SV2B: variants seen among roughly 807,000 people sequenced by gnomAD.
SV2B encodes the protein synaptic vesicle glycoprotein 2B.
SV2B carries 41 observed loss-of-function variants against 73.9 expected under a neutral mutation model. The observed-to-expected ratio is 0.56, with a 90% CI of 0.43 to 0.72. SV2B has a LOEUF of 0.72. Ranked by LOEUF, SV2B falls within the 30% of genes least tolerant of loss-of-function variation. The pLI, the probability that SV2B is intolerant of heterozygous loss-of-function variation, is 0.00. For synonymous variants in SV2B, 314 were observed against 314.2 expected (o/e 1.00, Z 0.01); for missense variants, 764 against 857.8 (o/e 0.89, Z 1.37).
At position 91,284,152 on chromosome 15, in the gene SV2B, C is replaced by T; in HGVS notation, c.1639C>T (p.Leu547=). 6.2e-7 allele frequency: 1 copy of T among 1,614,200 alleles called. No individual in the cohort carries two copies. The highest frequency in any genetic ancestry group is 8.5e-7 in the Non-Finnish European group (1 of 1,180,038). ...LIYLVSFLGS[L]SVLPGNIISA... The stretch of plus-strand genomic sequence containing the variant: ...TTACCTCGTCAGCTTCCTGGGCAGC[C>T]TGTCTGTCTTACCCGGGAACATCAT... Residue 547 remains leucine (L), a synonymous_variant, in exon 11 of 13, where the codon CTG becomes TTG. Coordinates refer to ENST00000394232, the MANE Select transcript of SV2B (RefSeq NM_001323032.3). This position sits in a 1 kb window ranked among gnomAD's most constrained non-coding sequence, Gnocchi z 4.5.
chr15:91,209,507 T>C (rs1440954536), intron 1 of SV2B, among the ~76,000 whole-genome samples: 1 of 152,184 alleles, frequency 6.6e-6, no homozygotes, highest in Non-Finnish European at 1.5e-5. Flanking sequence ...GTAGGAGTAA[T>C]TTGAATAGGA....
Position 91,211,073 on chromosome 15 carries a change from G to A in SV2B, c.-391-14800G>A, listed in dbSNP as rs184461011. On this transcript the variant is annotated intron_variant, in intron 1 of 12. Transcript: ENST00000394232. ...CAGAAAAGGAGAAAATGAAGTTGGA[G>A]AGGTGGGCAGGGTGTCATTCAGCAA... Among the ~76,000 whole-genome samples the A allele has an allele frequency of 9.8e-4, 149 of 152,368 alleles. 3 individuals are homozygous for A. The highest frequency in any genetic ancestry group is 7.6e-3 in the Admixed American group (116 of 15,310).
intron 5 of SV2B, among the ~76,000 whole-genome samples, chr15:91,259,285 G>C (rs2047820125): frequency 6.6e-6 from 1 of 152,074 alleles, no homozygotes; most frequent in Non-Finnish European, 1.5e-5. Flanking sequence ...TGAGTCCCAT[G>C]AGCCTTCCAA....
At chr15:91,237,218 C>T (rs934631226) in intron 2 of SV2B, among the ~76,000 whole-genome samples, 5 of 152,036 alleles carry the variant, frequency 3.3e-5, no homozygotes, top group African/African-American at 4.8e-5. Context: ...AGAATGAGTC[C>T]TCTGTGTGGC....
chr15:91,133,769 A>T (rs2042728764), intron 1 of SV2B, among the ~76,000 whole-genome samples: 1 of 151,876 alleles, frequency 6.6e-6, no homozygotes, highest in African/African-American at 2.4e-5. Context: ...GCTTCTTCTG[A>T]TTTCTCTTGT....
At chr15:91,180,744 C>T (rs2044519085) in intron 1 of SV2B, among the ~76,000 whole-genome samples, 1 of 152,236 alleles carries the variant, frequency 6.6e-6, no homozygotes, top group Admixed American at 6.5e-5. Context: ...TCAGCTCCAT[C>T]AGCTCCTTTA....
At chr15:91,291,189 T>C (rs889665820) in intron 12 of SV2B, among the ~76,000 whole-genome samples, 1 of 150,720 alleles carries the variant, frequency 6.6e-6, no homozygotes, top group Non-Finnish European at 1.5e-5. Context: ...TTTTATTTAG[T>C]TTTTTTTCTA....
At chr15:91,207,864 T>G (rs2045701498) in intron 1 of SV2B, among the ~76,000 whole-genome samples, 1 of 152,132 alleles carries the variant, frequency 6.6e-6, no homozygotes, top group Non-Finnish European at 1.5e-5. Flanking sequence ...TATGTGACAA[T>G]TCTCCCTCTC....
At chr15:91,153,093 G>T (rs2043364313) in intron 1 of SV2B, among the ~76,000 whole-genome samples, 1 of 152,128 alleles carries the variant, frequency 6.6e-6, no homozygotes, top group African/African-American at 2.4e-5. Flanking sequence ...AGGGATGAAT[G>T]CTCTGTCCTT....
At position 91,122,367 on chromosome 15, in the gene SV2B, G is replaced by A. The variant is rs541834979; in HGVS notation, c.-392+22004G>A. Among the ~76,000 whole-genome samples the A allele has an allele frequency of 1.3e-5, 2 of 152,324 alleles. No homozygotes were observed. The highest frequency in any genetic ancestry group is 4.8e-5 in the African/African-American group (2 of 41,576). ...GGAGTCTCCAGACATCCTCCCTGGG[G>A]AAACAGTCTAGAAAGCAGGAATGGC... On this transcript the variant is annotated intron_variant, in intron 1 of 12. Coordinates refer to ENST00000394232, the MANE Select transcript of SV2B (RefSeq NM_001323032.3). The surrounding 1 kb of genome is among the most constrained non-coding windows in gnomAD (Gnocchi z 4.3).
intron 1 of SV2B, among the ~76,000 whole-genome samples, chr15:91,163,498 A>G (rs2043800089): frequency 6.6e-6 from 1 of 152,044 alleles, no homozygotes; most frequent in Non-Finnish European, 1.5e-5. Flanking sequence ...TTTGATTTGC[A>G]TTTCTCTGAT....
At chr15:91,248,113 A>C (rs1399185803) in intron 2 of SV2B, among the ~76,000 whole-genome samples, 4 of 152,194 alleles carry the variant, frequency 2.6e-5, no homozygotes, top group African/African-American at 9.7e-5. Context: ...CGAGGTCAGG[A>C]GATCAAGACC....
In SV2B at chr15:91,147,685, G is replaced by A. The variant is rs556439540; in HGVS notation, c.-392+47322G>A. ...AATTTATTTTCTGCTCTGCCTAAAC[G>A]TCTGCTGGATATCAAACATGCAAGA... On this transcript the variant is annotated intron_variant, in intron 1 of 12. Transcript: ENST00000394232. Among the ~76,000 whole-genome samples, 6 of 152,210 alleles carry A rather than the reference G, an allele frequency of 3.9e-5. No individual in the cohort carries two copies. In the South Asian group the frequency reaches 8.3e-4, roughly 21 times the overall value.
rs149370473 is a variant in SV2B, at chr15:91,226,600, T to C, written c.337T>C (p.Phe113Leu). ...GHGRFQWILF[F>L]VLGLALMADG... is the part of the protein sequence containing the mutation. ...TGGCCGCTTCCAGTGGATCCTCTTTTTCGTCTTGGGTTTGGCCCTGATGGC... is the reference window on the plus strand; with the variant it reads ...TGGCCGCTTCCAGTGGATCCTCTTTCTCGTCTTGGGTTTGGCCCTGATGGC... Residue 113 changes from phenylalanine (F) to leucine (L), a missense_variant, in exon 2 of 13, where the codon TTC becomes CTC. Transcript: ENST00000394232. The C allele has an allele frequency of 1.2e-6, 2 of 1,614,064 alleles. No individual in the cohort carries two copies. The highest frequency in any genetic ancestry group is 2.2e-5 in the East Asian group (1 of 44,896).
At chr15:91,233,771 T>A (rs1346846512) in intron 2 of SV2B, among the ~76,000 whole-genome samples, 1 of 152,162 alleles carries the variant, frequency 6.6e-6, no homozygotes, top group African/African-American at 2.4e-5. Flanking sequence ...CTTGCAAGAC[T>A]TGCTGATTCT....
chr15:91,208,718 G>T (rs1375744376), intron 1 of SV2B, among the ~76,000 whole-genome samples: 1 of 152,102 alleles, frequency 6.6e-6, no homozygotes, highest in East Asian at 1.9e-4. Context: ...ATGTAAGAAA[G>T]CAATTTAGCA....
At chr15:91,135,364 C>T (rs1436401125) in intron 1 of SV2B, among the ~76,000 whole-genome samples, 2 of 152,204 alleles carry the variant, frequency 1.3e-5, no homozygotes, top group Middle Eastern at 3.2e-3. Context: ...ACTCTTCCCG[C>T]TTCACCTCAG....
chr15:91,279,272 C>T (rs1363130610), intron 9 of SV2B, among the ~76,000 whole-genome samples: 1 of 152,204 alleles, frequency 6.6e-6, no homozygotes, highest in Non-Finnish European at 1.5e-5. Flanking sequence ...GGGTGATGCC[C>T]TCAAGCCTAA....
At position 91,296,066 on chromosome 15, in the gene SV2B, T is replaced by G. The variant is rs1356203719; in HGVS notation, c.*3514T>G. 1 of 152,208 alleles carries G rather than the reference T, an allele frequency of 6.6e-6. No individual in the cohort carries two copies. Among genetic ancestry groups the G allele is most frequent in the Non-Finnish European group, 1.5e-5 (1 of 68,030 alleles). 9.4% of individuals were successfully genotyped at this position (152,208 alleles called of 1,614,324 possible). ...TTTCTTTGAGGAGTGTACCAATTTT[T>G]TATCTTTATAAACCAGGTAAGGGAA... On this transcript the variant is annotated 3_prime_UTR_variant, in exon 13 of 13. Transcript: ENST00000394232.
Sources: allele counts gnomAD v4.1 joint callset (sites outside exome capture counted in the v4.1 genomes callset), GRCh38; gene constraint gnomAD v4.1.1; non-coding constraint Gnocchi (gnomAD v3.1); transcripts MANE v1.5; gene names NCBI Gene and HGNC (gene_info 2026-07-23, HGNC 2026-07-21).